NTRK2: variants seen among roughly 807,000 people sequenced by gnomAD.
NTRK2 encodes neurotrophic receptor tyrosine kinase 2, also known as BDNF/NT-3 growth factors receptor.
Under a neutral mutation model 94.5 loss-of-function variants are expected in NTRK2, and 13 were observed. That is an observed-to-expected ratio of 0.14 (90% CI 0.09 to 0.22). The LOEUF (loss-of-function observed/expected upper bound fraction) is 0.22. Ranked by LOEUF, NTRK2 falls within the 10% of genes least tolerant of loss-of-function variation. NTRK2 has a pLI of 1.00. For synonymous variants in NTRK2, 372 were observed against 407.4 expected (o/e 0.91, Z 1.05); for missense variants, 639 against 1,071.2 (o/e 0.60, Z 5.63).
intron 12 of NTRK2, among the ~76,000 whole-genome samples, chr9:84,785,435 G>A (rs1225969199): frequency 6.6e-6 from 1 of 152,184 alleles, no homozygotes; most frequent in Non-Finnish European, 1.5e-5. Context: ...CCTGCTATAT[G>A]TACATGTGGA....
chr9:84,757,102 T>C (rs560217649), intron 12 of NTRK2, among the ~76,000 whole-genome samples: 1 of 152,286 alleles, frequency 6.6e-6, no homozygotes, highest in Non-Finnish European at 1.5e-5. Flanking sequence ...AGAAACACAG[T>C]TGTAGAAACA....
At chr9:84,800,065 C>T (rs997005204) in intron 12 of NTRK2, among the ~76,000 whole-genome samples, 28 of 152,202 alleles carry the variant, frequency 1.8e-4, no homozygotes, top group South Asian at 1.0e-3. Context: ...TAGCTGCTGC[C>T]GGAAGATGGA....
rs540467710 is a variant in NTRK2 at position 84,917,857 on chromosome 9, T to A, written c.1634-16305T>A. ...AAAAATCCTGTTTGCATTGATTGCG[T>A]CCTGAATGCCTCTGCCCACCTCCTG... is the stretch of plus-strand genomic sequence containing the variant. On this transcript the variant is annotated intron_variant, in intron 14 of 18. Coordinates refer to ENST00000277120, the MANE Select transcript of NTRK2 (RefSeq NM_006180.6). Among the ~76,000 whole-genome samples, 5 of 152,272 alleles carry A rather than the reference T, an allele frequency of 3.3e-5. No individual in the cohort carries two copies. In the South Asian group the frequency reaches 1.0e-3, roughly 32 times the overall value.
chr9:84,728,704 G>A (rs2062631698), intron 9 of NTRK2, among the ~76,000 whole-genome samples: 1 of 152,150 alleles, frequency 6.6e-6, no homozygotes, highest in Non-Finnish European at 1.5e-5. Context: ...CTCCGGAGCT[G>A]TTTTCCTAGG....
intron 17 of NTRK2, among the ~76,000 whole-genome samples, chr9:84,960,799 T>G (rs1824824542): frequency 6.6e-6 from 1 of 152,234 alleles, no homozygotes; most frequent in African/African-American, 2.4e-5. Flanking sequence ...TCTATGTCTC[T>G]CATTAATATG....
intron 12 of NTRK2, among the ~76,000 whole-genome samples, chr9:84,782,945 C>A (rs2133068204): frequency 6.6e-6 from 1 of 152,262 alleles, no homozygotes; most frequent in South Asian, 2.1e-4. Flanking sequence ...TGGGGCTTGA[C>A]TTCCCCAAAT....
intron 6 of NTRK2, among the ~76,000 whole-genome samples, chr9:84,713,053 TGCCC>T (rs2061509740): frequency 6.6e-6 from 1 of 152,242 alleles, no homozygotes; most frequent in Admixed American, 6.5e-5. Flanking sequence ...TATCTATTTA[TGCCC>T]ACCCTAACAA....
intron 17 of NTRK2, among the ~76,000 whole-genome samples, chr9:84,973,757 C>A (rs1826468137): frequency 6.6e-6 from 1 of 152,170 alleles, no homozygotes. Flanking sequence ...CAGATGATTT[C>A]TAAAGTCCTT....
At chr9:85,010,811 T>G (rs895795327) in intron 17 of NTRK2, among the ~76,000 whole-genome samples, 5 of 152,174 alleles carry the variant, frequency 3.3e-5, no homozygotes, top group African/African-American at 1.2e-4. Flanking sequence ...TTGCTCCCCA[T>G]TAGAGCCAAA....
chr9:84,813,567 A>G, intron 12 of NTRK2: 1 of 1,065,590 alleles, frequency 9.4e-7, no homozygotes, highest in Non-Finnish European at 1.1e-6. Context: ...TTAACAGCCC[A>G]GTTATCTGCA....
chr9:84,738,412 A>G (rs1041482655), intron 9 of NTRK2, among the ~76,000 whole-genome samples: 4 of 152,206 alleles, frequency 2.6e-5, no homozygotes, highest in African/African-American at 9.7e-5. Flanking sequence ...ACAGTGTGCA[A>G]CAGTATGTAA....
chr9:85,018,636 T>C lies in NTRK2; in HGVS notation c.2173-1570T>C, dbSNP rs545129190. 2.0e-5 allele frequency among the ~76,000 whole-genome samples: 3 copies of C among 152,316 alleles called. No homozygotes were observed. In the East Asian group the frequency reaches 5.8e-4, roughly 29 times the overall value. ...GTCACAGAGTTATAAACAGGGCAGA[T>C]ATTTGCCAAACCAGAAATGTGCTGA... On this transcript the variant is annotated intron_variant, in intron 17 of 18. Transcript: ENST00000277120.
At chr9:84,870,995 CTT>C (rs527366737) in intron 14 of NTRK2, among the ~76,000 whole-genome samples, 2 of 152,146 alleles carry the variant, frequency 1.3e-5, no homozygotes, top group African/African-American at 2.4e-5. Flanking sequence ...AAGAATCTGA[CTT>C]ATATAATAAA....
At chr9:84,690,196 C>A (rs994761986) in intron 2 of NTRK2, among the ~76,000 whole-genome samples, 3 of 152,148 alleles carry the variant, frequency 2.0e-5, no homozygotes, top group Non-Finnish European at 2.9e-5. Context: ...AAAATTGTGC[C>A]AATATCAAAA....
chr9:84,696,676 T>C (rs1356754092), intron 2 of NTRK2, among the ~76,000 whole-genome samples: 1 of 152,236 alleles, frequency 6.6e-6, no homozygotes, highest in Non-Finnish European at 1.5e-5. Context: ...CCCATTGCTC[T>C]AATTCTTAAT....
intron 2 of NTRK2, among the ~76,000 whole-genome samples, chr9:84,679,721 C>G (rs2059277024): frequency 6.6e-6 from 1 of 152,166 alleles, no homozygotes; most frequent in South Asian, 2.1e-4. Flanking sequence ...CAAGAATTCA[C>G]CATTGCCTTC....
intron 9 of NTRK2, among the ~76,000 whole-genome samples, chr9:84,737,784 TC>T (rs929906422): frequency 1.3e-4 from 19 of 147,836 alleles, no homozygotes; most frequent in Admixed American, 4.0e-4. Context: ...TTTTCAGCCT[TC>T]CCCCCCATCC....
chr9:84,976,623 A>G (rs867508968), intron 17 of NTRK2, among the ~76,000 whole-genome samples: 2 of 152,218 alleles, frequency 1.3e-5, no homozygotes, highest in African/African-American at 4.8e-5. Context: ...GGTAGAGCCA[A>G]CTAAAACACT....
intron 6 of NTRK2, among the ~76,000 whole-genome samples, chr9:84,716,647 G>A (rs1307883396): frequency 6.6e-6 from 1 of 152,194 alleles, no homozygotes; most frequent in African/African-American, 2.4e-5. Flanking sequence ...CTATTTTAGT[G>A]TACTGCTTTG....
Sources: gnomAD v4.1 joint callset for allele counts (sites outside exome capture counted in the v4.1 genomes callset) on GRCh38, gnomAD v4.1.1 for gene constraint, MANE v1.5 for transcripts, NCBI Gene and HGNC (gene_info 2026-07-23, HGNC 2026-07-21) for gene names.